Variants in COL4A2 observed in about 807,000 individuals in gnomAD.
COL4A2 encodes the protein collagen type IV alpha 2 chain, also known as collagen alpha-2(IV) chain.
Under a neutral mutation model 200.2 loss-of-function variants are expected in COL4A2, and 99 were observed. That is an observed-to-expected ratio of 0.49 (90% CI 0.42 to 0.58). The LOEUF (loss-of-function observed/expected upper bound fraction) is 0.58. COL4A2 is among the 20% of genes least tolerant of loss of function. COL4A2 has a pLI of 0.00. For missense variants in COL4A2, 1,950 were observed against 2,314.1 expected (o/e 0.84, Z 3.23); for synonymous variants, 897 against 900.6 (o/e 1.00, Z 0.07).
At position 110,511,981 on chromosome 13, in the gene COL4A2, G is replaced by T; in HGVS notation, c.4929G>T (p.Pro1643=). 1 of 1,613,532 alleles carries T rather than the reference G, an allele frequency of 6.2e-7. No homozygotes were observed. ...DEGGGQSLVS[P]GSCLEDFRAT... ...GCGGTGGCCAATCACTGGTGTCACC[G>T]GGCAGCTGTCTAGAGGACTTCCGCG... The change falls in exon 48 of 48, where the codon CCG becomes CCT. Residue 1643 remains proline, a synonymous_variant. Coordinates refer to ENST00000360467, the MANE Select transcript of COL4A2 (RefSeq NM_001846.4).
At position 110,449,887 on chromosome 13, in the gene COL4A2, CGTT is replaced by C. The variant is rs1881472027; in HGVS notation, c.1189+102_1189+104del. The C allele has an allele frequency of 9.7e-6, 13 of 1,338,474 alleles. No individual in the cohort carries two copies. In the South Asian group the frequency reaches 1.3e-4, roughly 14 times the overall value. The allele number at this position is 1,338,474 out of a possible 1,614,324, so 82.9% of individuals were successfully genotyped here. Reference sequence around the variant, plus strand: ...GACTTCGTTGACGACGTAGCTATGTCGTTGTTACTTTTCCCCACTGACTAGTCT... The same window carrying C: ...GACTTCGTTGACGACGTAGCTATGTCGTTACTTTTCCCCACTGACTAGTCT... On this transcript the variant is annotated intron_variant, in intron 19 of 47. Coordinates refer to ENST00000360467, the MANE Select transcript of COL4A2 (RefSeq NM_001846.4).
intron 4 of COL4A2, among the ~76,000 whole-genome samples, chr13:110,393,030 C>G (rs981841708): frequency 5.9e-5 from 9 of 152,190 alleles, no homozygotes. Flanking sequence ...AATATCCACA[C>G]GAACAGCTGC....
chr13:110,494,687 G>A (rs1375244187), intron 39 of COL4A2, among the ~76,000 whole-genome samples: 1 of 149,604 alleles, frequency 6.7e-6, no homozygotes, highest in African/African-American at 2.5e-5. Context: ...CTGGGCAACA[G>A]AGCGAGACTC....
chr13:110,494,678 T>C (rs953879302), intron 39 of COL4A2, among the ~76,000 whole-genome samples: 7 of 151,326 alleles, frequency 4.6e-5, no homozygotes, highest in African/African-American at 1.7e-4. Context: ...CACTCCAGCC[T>C]GGGCAACAGA....
intron 21 of COL4A2, 37 bp downstream of exon 21, chr13:110,457,472 T>C: frequency 8.0e-7 from 1 of 1,249,872 alleles, no homozygotes. Context: ...GAGGACAGCC[T>C]GGCCTTTCCA....
intron 17 of COL4A2, 57 bp downstream of exon 17, chr13:110,445,939 C>G: frequency 6.3e-7 from 1 of 1,591,214 alleles, no homozygotes; most frequent in East Asian, 2.2e-5. Context: ...CCTGGCTGGC[C>G]TTACTCCCCT....
At chr13:110,509,264 T>C (rs1883995504) in intron 47 of COL4A2, among the ~76,000 whole-genome samples, 1 of 119,138 alleles carries the variant, frequency 8.4e-6, no homozygotes, top group African/African-American at 3.8e-5. Context: ...TATATATATA[T>C]ATATATACAC....
intron 20 of COL4A2, among the ~76,000 whole-genome samples, chr13:110,451,438 A>C (rs1881534716): frequency 6.6e-6 from 1 of 152,234 alleles, no homozygotes; most frequent in South Asian, 2.1e-4. Flanking sequence ...AACTTATTAA[A>C]GGAAAGAGGT....
chr13:110,410,163 G>C (rs1283374983), intron 4 of COL4A2, among the ~76,000 whole-genome samples: 2 of 152,208 alleles, frequency 1.3e-5, no homozygotes, highest in East Asian at 1.9e-4. Context: ...CTCACACCAA[G>C]CTTCAAGGCA....
intron 10 of COL4A2, among the ~76,000 whole-genome samples, chr13:110,431,912 C>A (rs73617520): frequency 6.6e-6 from 1 of 152,206 alleles, no homozygotes; most frequent in African/African-American, 2.4e-5. Flanking sequence ...CTTGTAGATT[C>A]ATTCTGTCCA....
chr13:110,438,517 C>A, intron 14 of COL4A2, 101 bp from the exon 15 acceptor site: 1 of 1,470,108 alleles, frequency 6.8e-7, no homozygotes, highest in Non-Finnish European at 9.5e-7. Flanking sequence ...ACCATCGGGG[C>A]TGAGAACACA....
At chr13:110,430,728 C>G (rs1330854779) in intron 10 of COL4A2, 121 bp downstream of exon 10, 2 of 1,329,910 alleles carry the variant, frequency 1.5e-6, no homozygotes, top group South Asian at 2.4e-5. Flanking sequence ...TGCTTATAGG[C>G]GTAGCAGAGA....
intron 30 of COL4A2, among the ~76,000 whole-genome samples, 159 bp downstream of exon 30, chr13:110,478,323 G>GAC (rs1321743482): frequency 6.6e-6 from 1 of 152,216 alleles, no homozygotes; most frequent in Non-Finnish European, 1.5e-5. Context: ...CTAATAAGGA[G>GAC]ACACAAACAG....
chr13:110,464,418 C>G (rs571016201), intron 24 of COL4A2, among the ~76,000 whole-genome samples: 2 of 152,284 alleles, frequency 1.3e-5, no homozygotes, highest in East Asian at 3.9e-4. Context: ...TTAGAAAACT[C>G]GTGATCCTGC....
chr13:110,357,473 G>A lies in COL4A2; in HGVS notation c.101G>A (p.Gly34Asp), dbSNP rs1038667228. 2.5e-6 allele frequency: 4 copies of A among 1,587,428 alleles called. No individual in the cohort carries two copies. The highest frequency in any genetic ancestry group is 2.3e-5 in the South Asian group (2 of 87,196). Residue 34 changes from glycine to aspartate, a missense_variant and splice_region_variant, in exon 4 of 48, where the codon GGT (glycine) becomes GAT (aspartate). Physicochemically the swap from Gly to Asp is moderately conservative, Grantham distance 94. Coordinates refer to ENST00000360467, the MANE Select transcript of COL4A2 (RefSeq NM_001846.4). Reference sequence around the variant, plus strand: ...TTGCCTTGTGTTTTATTGTTGCAGGGTGTGAAGAAGTTTGATGTGCCGTGT... The same window carrying A: ...TTGCCTTGTGTTTTATTGTTGCAGGATGTGAAGAAGTTTGATGTGCCGTGT... ...VGFLAQSVLA[G>D]VKKFDVPCGG...
chr13:110,338,567 C>T (rs1012834816), intron 3 of COL4A2, among the ~76,000 whole-genome samples: 1 of 152,168 alleles, frequency 6.6e-6, no homozygotes, highest in Admixed American at 6.5e-5. Flanking sequence ...CTGAAAACAA[C>T]GGGCCTCTGC....
At chr13:110,331,088 T>C (rs564740893) in intron 3 of COL4A2, among the ~76,000 whole-genome samples, 6 of 152,254 alleles carry the variant, frequency 3.9e-5, no homozygotes, top group African/African-American at 1.4e-4. Flanking sequence ...AATTTACTGA[T>C]ATAATTTTCT....
In COL4A2 at chr13:110,485,798, C is replaced by G. The variant is rs201763437; in HGVS notation, c.3169C>G (p.Pro1057Ala). ...AGGATTCCCTGGGGTGGCTGGCCCC[C>G]CTGGAATTACGGGATTCCCAGGATT... is the stretch of plus-strand genomic sequence containing the variant. ...LPGFPGVAGPPGITGFPGFIG... is the reference protein window; with the variant it reads ...LPGFPGVAGPAGITGFPGFIG... Residue 1057 changes from proline to alanine, a missense_variant, in exon 34 of 48, where the codon CCT becomes GCT. Pro to Ala is a conservative substitution (Grantham distance 27). Around this residue, in one of 2 missense-constraint regions of COL4A2, gnomAD observed 1,385 missense variants for 1,720.5 expected, o/e 0.80. Coordinates refer to ENST00000360467, the MANE Select transcript of COL4A2 (RefSeq NM_001846.4). 44 of 1,613,798 alleles carry G rather than the reference C, an allele frequency of 2.7e-5. No individual in the cohort carries two copies. In the African/African-American group the frequency reaches 4.9e-4, roughly 18 times the overall value.
chr13:110,435,823 T>G (rs1255385468), intron 12 of COL4A2, among the ~76,000 whole-genome samples: 1 of 152,186 alleles, frequency 6.6e-6, no homozygotes, highest in Non-Finnish European at 1.5e-5. Flanking sequence ...ACTTAAGATT[T>G]TTTTTATTAT....
Sources: gnomAD v4.1 joint callset for allele counts (sites outside exome capture counted in the v4.1 genomes callset) on GRCh38, gnomAD v4.1.1 for gene constraint, gnomAD v4.1.1 regional missense constraint, MANE v1.5 for transcripts, NCBI Gene and HGNC (gene_info 2026-07-23, HGNC 2026-07-21) for gene names.